AGAP1: variants seen among roughly 807,000 people sequenced by gnomAD.
AGAP1 encodes the protein ArfGAP with GTPase domain, ankyrin repeat and PH domain 1.
In AGAP1, 29 loss-of-function variants were observed where a neutral mutation model predicts 105.3. That is an observed-to-expected ratio of 0.28 (90% confidence interval 0.21 to 0.38). The LOEUF (loss-of-function observed/expected upper bound fraction) is 0.38. Ranked by LOEUF, AGAP1 falls within the 10% of genes least tolerant of loss-of-function variation. AGAP1 has a pLI of 1.00. For synonymous variants in AGAP1, 509 were observed against 485.9 expected (o/e 1.05, Z -0.63); for missense variants, 998 against 1,165.1 (o/e 0.86, Z 2.09).
intron 1 of AGAP1, among the ~76,000 whole-genome samples, chr2:235,594,909 G>A (rs372335112): frequency 1.0e-4 from 8 of 77,984 alleles, no homozygotes; most frequent in African/African-American, 4.6e-4. Flanking sequence ...TTTTTTTTAT[G>A]ATGTAAAAGT....
rs1052866167 is a variant in AGAP1 at position 235,741,581 on chromosome 2, G to A, written c.396+533G>A. ...ATTATGATTTCTTTGGAAGTTCCTG[G>A]AAAGATGGTCATTCTGGAAATAACA... On this transcript the variant is annotated intron_variant, in intron 4 of 17. Coordinates refer to ENST00000304032, the MANE Select transcript of AGAP1 (RefSeq NM_001037131.3). This position sits in a 1 kb window ranked among gnomAD's most constrained non-coding sequence, Gnocchi z 4.9. 1.3e-5 allele frequency among the ~76,000 whole-genome samples: 2 copies of A among 152,290 alleles called. No individual in the cohort carries two copies. The highest frequency in any genetic ancestry group is 3.4e-3 in the Middle Eastern group (1 of 294).
chr2:235,528,949 T>G (rs1221612150), intron 1 of AGAP1, among the ~76,000 whole-genome samples: 3 of 152,232 alleles, frequency 2.0e-5, no homozygotes, highest in Non-Finnish European at 2.9e-5. Context: ...GTGCTGGGAT[T>G]ACATGCATGA....
Position 236,012,741 on chromosome 2 carries a change from A to G in AGAP1, c.1646-23820A>G, listed in dbSNP as rs562915149. 2.0e-5 allele frequency among the ~76,000 whole-genome samples: 3 copies of G among 150,504 alleles called. No individual in the cohort carries two copies. Among genetic ancestry groups the G allele is most frequent in the East Asian group, 3.9e-4 (2 of 5,134 alleles). On this transcript the variant is annotated intron_variant, in intron 13 of 17. Coordinates refer to ENST00000304032, the MANE Select transcript of AGAP1 (RefSeq NM_001037131.3). This position sits in a 1 kb window ranked among gnomAD's most constrained non-coding sequence, Gnocchi z 4.9. ...TCCTTTAACACCGCAGATGCCTGCT[A>G]GTTTAGAGGTTGTTTCTTACTAAAT...
chr2:235,984,515 C>T (rs974028671), intron 13 of AGAP1, among the ~76,000 whole-genome samples: 8 of 146,164 alleles, frequency 5.5e-5, no homozygotes, highest in African/African-American at 1.0e-4. Flanking sequence ...AAAATAGATG[C>T]GCAGATTGTG....
chr2:235,814,532 T>C (rs1346830633), intron 9 of AGAP1, among the ~76,000 whole-genome samples: 3 of 152,226 alleles, frequency 2.0e-5, no homozygotes, highest in Admixed American at 6.5e-5. Context: ...TGACATGCCC[T>C]GGGTCCTCTG....
At chr2:235,984,697 A>G (rs1001911943) in intron 13 of AGAP1, among the ~76,000 whole-genome samples, 3 of 151,868 alleles carry the variant, frequency 2.0e-5, no homozygotes, top group South Asian at 2.1e-4. Flanking sequence ...GTGAGAACCT[A>G]TGGTGTTTGA....
chr2:236,018,436 C>T (rs752211288), intron 13 of AGAP1, among the ~76,000 whole-genome samples: 21 of 152,196 alleles, frequency 1.4e-4, no homozygotes, highest in Non-Finnish European at 1.9e-4. Context: ...TTCGCTGCAC[C>T]GCAGGGCAGA....
chr2:235,533,763 C>T (rs149893220), intron 1 of AGAP1, among the ~76,000 whole-genome samples: 215 of 152,350 alleles, frequency 1.4e-3, no homozygotes, highest in African/African-American at 4.8e-3. Context: ...CTCCTGTCGC[C>T]TGGTTTCACC....
intron 6 of AGAP1, chr2:235,783,249 AAAG>A: frequency 4.8e-6 from 2 of 415,446 alleles, no homozygotes; most frequent in Non-Finnish European, 4.9e-6. Flanking sequence ...GGATTAAAAA[AAAG>A]AGTTGAATTT....
At chr2:235,894,029 A>G (rs2050679608) in intron 10 of AGAP1, among the ~76,000 whole-genome samples, 1 of 152,166 alleles carries the variant, frequency 6.6e-6, no homozygotes, top group African/African-American at 2.4e-5. Flanking sequence ...ATGCTGCAAA[A>G]TCTAAACACA....
rs1281008122 is a variant in AGAP1 at position 236,061,357 on chromosome 2, C to T, written c.2114+12076C>T. Reference sequence around the variant, plus strand: ...AGCCATTCCTCCCCCAGGTCTATACCTAAGATAAATGAAAACACTTGTCCA... The same window carrying T: ...AGCCATTCCTCCCCCAGGTCTATACTTAAGATAAATGAAAACACTTGTCCA... On this transcript the variant is annotated intron_variant, in intron 16 of 17. Coordinates refer to ENST00000304032, the MANE Select transcript of AGAP1 (RefSeq NM_001037131.3). This position sits in a 1 kb window ranked among gnomAD's most constrained non-coding sequence, Gnocchi z 4.1. Among the ~76,000 whole-genome samples the T allele has an allele frequency of 6.6e-6, 1 of 152,106 alleles. No individual in the cohort carries two copies. The highest frequency in any genetic ancestry group is 1.9e-4 in the East Asian group (1 of 5,190).
chr2:235,883,520 A>G lies in AGAP1; in HGVS notation c.1155+71A>G. ...TAAACACTGTGGGGAAGGGGAACCT[A>G]CCAGCAGCCCAGCCTCTTGTCTCTG... On this transcript the variant is annotated intron_variant, in intron 10 of 17. Transcript: ENST00000304032. The surrounding 1 kb of genome is among the most constrained non-coding windows in gnomAD (Gnocchi z 4.5). 1 of 1,255,728 alleles carries G rather than the reference A, an allele frequency of 8.0e-7. No individual in the cohort carries two copies. Among genetic ancestry groups the G allele is most frequent in the East Asian group, 2.3e-5 (1 of 42,712 alleles). The allele number at this position is 1,255,728 out of a possible 1,614,324, so 77.8% of individuals were successfully genotyped here.
At chr2:235,688,859 G>A (rs771899415) in intron 1 of AGAP1, among the ~76,000 whole-genome samples, 1 of 152,166 alleles carries the variant, frequency 6.6e-6, no homozygotes, top group Admixed American at 6.5e-5. Context: ...AGTGCTGTTT[G>A]AGGGCCAGAA....
intron 11 of AGAP1, among the ~76,000 whole-genome samples, chr2:235,925,260 A>G (rs941072513): frequency 6.6e-6 from 1 of 152,156 alleles, no homozygotes; most frequent in Non-Finnish European, 1.5e-5. Context: ...GGCTTTTACA[A>G]TCTCCTCCTT....
At chr2:235,876,797 G>A (rs553124837) in intron 9 of AGAP1, among the ~76,000 whole-genome samples, 21 of 151,204 alleles carry the variant, frequency 1.4e-4, no homozygotes, top group African/African-American at 4.6e-4. Context: ...ATCCCTGATC[G>A]TTGCTGCCAT....
rs768235703 is a variant in AGAP1 at position 235,960,215 on chromosome 2, C to A, written c.1484-8247C>A. ...CTTCCAGGATCACAGGTGCTTTGCA[C>A]ACGTCAGTTACTCGAGTCATAGCCT... On this transcript the variant is annotated intron_variant, in intron 12 of 17. Transcript: ENST00000304032. This position sits in a 1 kb window ranked among gnomAD's most constrained non-coding sequence, Gnocchi z 4.9. 3.9e-5 allele frequency among the ~76,000 whole-genome samples: 6 copies of A among 152,208 alleles called. No homozygotes were observed. Among genetic ancestry groups the A allele is most frequent in the Non-Finnish European group, 5.9e-5 (4 of 68,032 alleles).
At chr2:235,576,099 C>T (rs1298289668) in intron 1 of AGAP1, among the ~76,000 whole-genome samples, 1 of 152,188 alleles carries the variant, frequency 6.6e-6, no homozygotes, top group Non-Finnish European at 1.5e-5. Flanking sequence ...TGATTTGTCG[C>T]TCCCCAGAGC....
chr2:235,713,476 G>A (rs1950949785), intron 2 of AGAP1, among the ~76,000 whole-genome samples: 1 of 152,158 alleles, frequency 6.6e-6, no homozygotes, highest in Admixed American at 6.5e-5. Context: ...TCTTTTACTC[G>A]GCCCGTGCTC....
At chr2:235,763,073 C>CTTT (rs1411019322) in intron 6 of AGAP1, among the ~76,000 whole-genome samples, 14 of 148,772 alleles carry the variant, frequency 9.4e-5, no homozygotes, top group Non-Finnish European at 1.8e-4. Flanking sequence ...CGCGCGCACA[C>CTTT]GTGCACCTGC....
Sources: gnomAD v4.1 joint callset for allele counts (sites outside exome capture counted in the v4.1 genomes callset) on GRCh38, gnomAD v4.1.1 for gene constraint, Gnocchi (gnomAD v3.1) non-coding constraint, MANE v1.5 for transcripts, NCBI Gene and HGNC (gene_info 2026-07-23, HGNC 2026-07-21) for gene names.